The following ASPA variants were observed in gnomAD, a reference collection of about 807,000 sequenced individuals.
ASPA encodes ACY-2.
ASPA carries 25 observed loss-of-function variants against 29.6 expected under a neutral mutation model. That is an observed-to-expected ratio of 0.85 (90% CI 0.62 to 1.18). ASPA has a LOEUF of 1.18. ASPA is among the 50% of genes most tolerant of loss of function. ASPA has a pLI of 0.00. For synonymous variants in ASPA, 131 were observed against 130.3 expected (o/e 1.01, Z -0.04); for missense variants, 333 against 385.7 (o/e 0.86, Z 1.14).
At position 3,476,102 on chromosome 17, in the gene ASPA, G is replaced by A. The variant is rs576892994; in HGVS notation, c.-58G>A. 97 of 1,511,916 alleles carry A rather than the reference G, an allele frequency of 6.4e-5. No homozygotes were observed. In the Admixed American group the frequency reaches 7.0e-4, roughly 11 times the overall value. 93.7% of individuals were successfully genotyped at this position (1,511,916 alleles called of 1,614,324 possible). The stretch of plus-strand genomic sequence containing the variant: ...TTTCTAAACCTTTCTTAAGAAAATC[G>A]AATTTCCTTTGATCTCTCTTCTGAA... On this transcript the variant is annotated 5_prime_UTR_variant, in exon 1 of 6. Coordinates refer to ENST00000263080, the MANE Select transcript of ASPA (RefSeq NM_000049.4).
chr17:3,494,187 T>G (rs2073872400), intron 4 of ASPA, among the ~76,000 whole-genome samples, 163 bp from the exon 5 acceptor site: 1 of 152,036 alleles, frequency 6.6e-6, no homozygotes. Flanking sequence ...GTATTTTTAG[T>G]GGAGATGGGG....
At chr17:3,493,560 C>CAAAAAAAA (rs746229421) in intron 4 of ASPA, among the ~76,000 whole-genome samples, 2 of 56,380 alleles carry the variant, frequency 3.5e-5, no homozygotes, top group Admixed American at 2.7e-4. Flanking sequence ...GGTTCCATCT[C>CAAAAAAAA]AAAAAAAAAA....
At chr17:3,491,316 T>G (rs1323967875) in intron 4 of ASPA, among the ~76,000 whole-genome samples, 1 of 152,020 alleles carries the variant, frequency 6.6e-6, no homozygotes, top group Non-Finnish European at 1.5e-5. Context: ...GGTAATGGTC[T>G]TTTTTTTCTG....
At position 3,503,280 on chromosome 17, in the gene ASPA, T is replaced by G. The variant is rs1056665477; in HGVS notation, c.*4192T>G. ...CATTCTTCCAAAGTGAACCCCACTA[T>G]GCCAGTTTTACTCCATACTCAGTGT... On this transcript the variant is annotated 3_prime_UTR_variant, in exon 6 of 6. Transcript: ENST00000263080. The G allele has an allele frequency of 6.6e-6, 1 of 152,140 alleles. No individual in the cohort carries two copies. The highest frequency in any genetic ancestry group is 1.9e-4 in the East Asian group (1 of 5,206). The allele number at this position is 152,140 out of a possible 1,614,324, so 9.4% of individuals were successfully genotyped here.
At position 3,499,583 on chromosome 17, in the gene ASPA, T is replaced by C. The variant is rs1310710411; in HGVS notation, c.*495T>C. ...CCTTTGATAATATTTCAAGCTTTTT[T>C]ATGATTTATTTATTATATCTGCTAT... On this transcript the variant is annotated 3_prime_UTR_variant, in exon 6 of 6. Transcript: ENST00000263080. The C allele has an allele frequency of 6.5e-6, 1 of 153,046 alleles. No individual in the cohort carries two copies. The highest frequency in any genetic ancestry group is 2.4e-5 in the African/African-American group (1 of 41,458). 9.5% of individuals were successfully genotyped at this position (153,046 alleles called of 1,614,324 possible).
At chr17:3,492,775 C>T (rs1369802500) in intron 4 of ASPA, among the ~76,000 whole-genome samples, 3 of 152,150 alleles carry the variant, frequency 2.0e-5, no homozygotes, top group African/African-American at 4.8e-5. Context: ...TCAGACATAA[C>T]AGTAAGGCCA....
At chr17:3,496,804 C>A (rs191586952) in intron 5 of ASPA, among the ~76,000 whole-genome samples, 1 of 152,298 alleles carries the variant, frequency 6.6e-6, no homozygotes, top group African/African-American at 2.4e-5. Context: ...CGGTGGCTCA[C>A]GCCTGTAATC....
chr17:3,493,658 A>T (rs1317452199), intron 4 of ASPA, among the ~76,000 whole-genome samples: 1 of 152,014 alleles, frequency 6.6e-6, no homozygotes, highest in African/African-American at 2.4e-5. Flanking sequence ...GTCATAAAAC[A>T]TCATAGCTGG....
At chr17:3,494,564 C>T in intron 5 of ASPA, 105 bp downstream of exon 5, 1 of 922,590 alleles carries the variant, frequency 1.1e-6, no homozygotes, top group East Asian at 2.5e-5. Context: ...CCATTTGATG[C>T]TCTCATTAGA....
At position 3,476,309 on chromosome 17, in the gene ASPA, A is replaced by G. The variant is rs763718422; in HGVS notation, c.150A>G (p.Pro50=). The G allele has an allele frequency of 1.9e-6, 3 of 1,614,188 alleles. No individual in the cohort carries two copies. The highest frequency in any genetic ancestry group is 2.2e-5 in the East Asian group (1 of 44,876). ...AGAGAACAGGGCTGGAGGTAAAACC[A>G]TTTATTACTAACCCCAGAGCAGTGA... ...EIQRTGLEVK[P]FITNPRAVKK... is the part of the protein sequence containing the mutation. The change falls in exon 1 of 6, where the codon CCA becomes CCG. Residue 50 remains proline, a synonymous_variant. Coordinates refer to ENST00000263080, the MANE Select transcript of ASPA (RefSeq NM_000049.4).
intron 1 of ASPA, among the ~76,000 whole-genome samples, chr17:3,477,449 T>C (rs2073545355): frequency 1.3e-5 from 2 of 151,082 alleles, no homozygotes; most frequent in Admixed American, 1.3e-4. Flanking sequence ...TTTTTACCAC[T>C]TCTTTCTTTC....
intron 2 of ASPA, 110 bp downstream of exon 2, chr17:3,481,908 G>A: frequency 8.3e-6 from 9 of 1,083,184 alleles, no homozygotes; most frequent in Non-Finnish European, 1.2e-5. Context: ...CAAGAGAAAT[G>A]GGGTTTATTC....
intron 4 of ASPA, among the ~76,000 whole-genome samples, chr17:3,494,059 A>G (rs984685976): frequency 6.8e-5 from 10 of 146,546 alleles, no homozygotes; most frequent in African/African-American, 2.5e-4. Context: ...TTTTTGAGAC[A>G]GAGTTTCACT....
chr17:3,481,716 A>C lies in ASPA; in HGVS notation c.350A>C (p.Asn117Thr). 2 of 1,613,860 alleles carry C rather than the reference A, an allele frequency of 1.2e-6. No individual in the cohort carries two copies. The highest frequency in any genetic ancestry group is 1.7e-6 in the Non-Finnish European group (2 of 1,179,892). Residue 117 changes from asparagine to threonine, a missense_variant, in exon 2 of 6, where the codon AAC (asparagine) becomes ACC (threonine). Asn to Thr is a moderately conservative substitution (Grantham distance 65). Transcript: ENST00000263080. ...DSYDIIFDLH[N>T]TTSNMGCTLI... is the part of the protein sequence containing the mutation. ...TATGACATTATTTTTGACCTTCACA[A>C]CACCACCTCTAACATGGGGTGCACT...
At position 3,494,442 on chromosome 17, in the gene ASPA, A is replaced by T; in HGVS notation, c.727A>T (p.Ile243Phe). 6.2e-7 allele frequency: 1 copy of T among 1,604,214 alleles called. No homozygotes were observed. The highest frequency in any genetic ancestry group is 8.5e-7 in the Non-Finnish European group (1 of 1,170,886). The change falls in exon 5 of 6, where the codon ATC (isoleucine) becomes TTC (phenylalanine). Residue 243 changes from isoleucine to phenylalanine, a missense_variant. Transcript: ENST00000263080. ...TGAAAATGGAGAAATTGCTGCTATC[A>T]TCCATCCTAATCTGCAGGTAACATT... Reference protein sequence around the residue: ...RDENGEIAAIIHPNLQDQDWK... With the variant: ...RDENGEIAAIFHPNLQDQDWK...
intron 5 of ASPA, among the ~76,000 whole-genome samples, chr17:3,495,666 T>C (rs985523138): frequency 4.6e-5 from 7 of 152,196 alleles, no homozygotes; most frequent in Admixed American, 1.3e-4. Flanking sequence ...CCTCCCGGGT[T>C]CAAGCAATTC....
chr17:3,480,496 G>C (rs1218502486), intron 1 of ASPA, among the ~76,000 whole-genome samples: 1 of 150,952 alleles, frequency 6.6e-6, no homozygotes, highest in Non-Finnish European at 1.5e-5. Context: ...GACCAGATAA[G>C]CCAGTTTATC....
At position 3,499,115 on chromosome 17, in the gene ASPA, C is replaced by T. The variant is rs151133430; in HGVS notation, c.*27C>T. On this transcript the variant is annotated 3_prime_UTR_variant, in exon 6 of 6. Coordinates refer to ENST00000263080, the MANE Select transcript of ASPA (RefSeq NM_000049.4). ...AATCACTTCCAGCTTACATCTTACACGGTGTCTTACAAATTCTGCTAGTCT... is the reference window on the plus strand; with the variant it reads ...AATCACTTCCAGCTTACATCTTACATGGTGTCTTACAAATTCTGCTAGTCT... The T allele has an allele frequency of 7.7e-4, 1,230 of 1,603,394 alleles. 11 individuals carry two copies. In the African/African-American group the frequency reaches 0.015, roughly 19 times the overall value.
At chr17:3,494,577 C>T in intron 5 of ASPA, 118 bp downstream of exon 5, 2 of 840,914 alleles carry the variant, frequency 2.4e-6, no homozygotes, top group Non-Finnish European at 4.0e-6. Flanking sequence ...TCATTAGACA[C>T]TGAGTGTAGA....
Sources: gnomAD v4.1 joint callset for allele counts (sites outside exome capture counted in the v4.1 genomes callset) on GRCh38, gnomAD v4.1.1 for gene constraint, MANE v1.5 for transcripts, NCBI Gene and HGNC (gene_info 2026-07-23, HGNC 2026-07-21) for gene names.